NRXN3: variants seen among roughly 807,000 people sequenced by gnomAD.
NRXN3 encodes the protein neurexin III.
In NRXN3, 32 loss-of-function variants were observed where a neutral mutation model predicts 137.6. The ratio of observed to expected loss-of-function variants is 0.23; its 90% confidence interval spans 0.18 to 0.31. The LOEUF (loss-of-function observed/expected upper bound fraction) is 0.31. Among genes scored for constraint, NRXN3 ranks in the 10% least tolerant of loss-of-function variants. The pLI is 1.00. For missense variants in NRXN3, 1,574 were observed against 2,062.5 expected, an observed-to-expected ratio of 0.76 and a Z score of 4.59; for synonymous variants, 798 against 784.5, an observed-to-expected ratio of 1.02 and a Z score of -0.29.
At chr14:79,220,848 G>T (rs1356989359) in intron 15 of NRXN3, among the ~76,000 whole-genome samples, 1 of 152,036 alleles carries the variant, frequency 6.6e-6, no homozygotes, top group East Asian at 1.9e-4. Flanking sequence ...GTGGTTTGCT[G>T]CACCCATCAA....
At chr14:79,350,433 T>C (rs2093148303) in intron 15 of NRXN3, among the ~76,000 whole-genome samples, 1 of 152,192 alleles carries the variant, frequency 6.6e-6, no homozygotes, top group African/African-American at 2.4e-5. Flanking sequence ...CAAATGACAA[T>C]GTGAATGCAT....
At chr14:78,343,071 C>T (rs214010) in intron 4 of NRXN3, among the ~76,000 whole-genome samples, 120,328 of 151,902 alleles carry the variant, frequency 0.79, 49,385 homozygotes, top group Non-Finnish European at 0.9. Context: ...TTGAGCCTCA[C>T]CCTAGATCTA....
At chr14:79,784,752 G>A (rs886903902) in intron 19 of NRXN3, among the ~76,000 whole-genome samples, 4 of 151,512 alleles carry the variant, frequency 2.6e-5, no homozygotes, top group Admixed American at 2.0e-4. Flanking sequence ...GGAGTCTATC[G>A]GGCTGTTAAA....
In NRXN3 at chr14:78,738,710, CTTCT is replaced by C. The variant is rs150318941; in HGVS notation, c.2044+23574_2044+23577del. ...TCTTTTTCCCCACTATGATTTTCTT[CTTCT>C]TTGTCTTTTGTTTTATCTATTTTAT... On this transcript the variant is annotated intron_variant, in intron 8 of 20. Transcript: ENST00000335750. Among the ~76,000 whole-genome samples, 776 of 152,254 alleles carry C rather than the reference CTTCT, an allele frequency of 5.1e-3. 9 individuals carry two copies. The highest frequency in any genetic ancestry group is 0.018 in the African/African-American group (737 of 41,534).
chr14:79,679,047 G>A (rs1035427764), intron 17 of NRXN3, among the ~76,000 whole-genome samples: 1 of 148,442 alleles, frequency 6.7e-6, no homozygotes, highest in South Asian at 2.2e-4. Flanking sequence ...TCTCCTCTTT[G>A]GCTTAAATTT....
intron 8 of NRXN3, among the ~76,000 whole-genome samples, chr14:78,727,262 T>G (rs1191037762): frequency 6.6e-6 from 1 of 152,214 alleles, no homozygotes; most frequent in Non-Finnish European, 1.5e-5. Context: ...CTTCCAGTAC[T>G]TCACAGGGGT....
At chr14:78,808,727 T>G (rs2098892543) in intron 9 of NRXN3, among the ~76,000 whole-genome samples, 1 of 152,114 alleles carries the variant, frequency 6.6e-6, no homozygotes. Flanking sequence ...CGGGAACAAA[T>G]AAGCATTCTG....
chr14:79,057,450 C>T (rs554312753), intron 15 of NRXN3, among the ~76,000 whole-genome samples: 22 of 152,170 alleles, frequency 1.4e-4, no homozygotes, highest in South Asian at 8.3e-4. Context: ...TCATATTCTA[C>T]GACTGAAAAT....
intron 1 of NRXN3, among the ~76,000 whole-genome samples, chr14:78,173,709 C>CTTTTTTTTGTTTTTTTTTTTTTTT (rs2058983840): frequency 1.4e-5 from 1 of 69,356 alleles, no homozygotes; most frequent in African/African-American, 6.2e-5. Context: ...TTTTTCCTTG[C>CTTTTTTTTGTTTTTTTTTTTTTTT]TTTTTTTTTT....
At chr14:79,252,147 T>G (rs1597841948) in intron 15 of NRXN3, among the ~76,000 whole-genome samples, 1 of 152,204 alleles carries the variant, frequency 6.6e-6, no homozygotes, top group South Asian at 2.1e-4. Flanking sequence ...AAAGTTCTTG[T>G]ACATTCCGAC....
At chr14:79,013,731 T>A (rs1177145995) in intron 15 of NRXN3, among the ~76,000 whole-genome samples, 1 of 152,218 alleles carries the variant, frequency 6.6e-6, no homozygotes, top group Non-Finnish European at 1.5e-5. Flanking sequence ...AAGTAGCCAC[T>A]TTACGTGGCT....
At chr14:78,829,984 C>G (rs574682015) in intron 10 of NRXN3, among the ~76,000 whole-genome samples, 1 of 151,942 alleles carries the variant, frequency 6.6e-6, no homozygotes, top group South Asian at 2.1e-4. Context: ...TAAGAATTGC[C>G]GAAAGAGAGG....
intron 10 of NRXN3, among the ~76,000 whole-genome samples, chr14:78,927,187 A>T (rs2099308275): frequency 6.7e-6 from 1 of 148,554 alleles, no homozygotes; most frequent in South Asian, 2.1e-4. Context: ...AATTCCGACT[A>T]TATGCCAAGC....
intron 15 of NRXN3, among the ~76,000 whole-genome samples, chr14:79,348,160 C>G (rs1332343659): frequency 6.6e-6 from 1 of 151,960 alleles, no homozygotes; most frequent in Non-Finnish European, 1.5e-5. Flanking sequence ...TTGAAATTAC[C>G]CATCCATGAG....
At chr14:78,253,441 A>ATGAT (rs141937254) in intron 2 of NRXN3, among the ~76,000 whole-genome samples, 1,579 of 152,304 alleles carry the variant, frequency 0.01, 29 homozygotes, top group African/African-American at 0.036. Context: ...TGGGAGGCTG[A>ATGAT]TGATGGAGGA....
Position 78,242,974 on chromosome 14 carries a change from T to G in NRXN3, c.-120T>G. 1 of 676,954 alleles carries G rather than the reference T, an allele frequency of 1.5e-6. No homozygotes were observed. The highest frequency in any genetic ancestry group is 2.5e-6 in the Non-Finnish European group (1 of 405,398). The allele number at this position is 676,954 out of a possible 1,614,324, so 41.9% of individuals were successfully genotyped here. On this transcript the variant is annotated 5_prime_UTR_variant, in exon 2 of 21. Coordinates refer to ENST00000335750, the MANE Select transcript of NRXN3 (RefSeq NM_001330195.2). ...CTGTGTGTGTGCTGCCTTCCTCCTG[T>G]GTGCTTTCTGTCCCCCCATCTCTGT...
Position 79,683,167 on chromosome 14 carries a change from T to G in NRXN3, c.3617-9006T>G, listed in dbSNP as rs536714548. ...GGAGCCAGTCAGAATAGAAAACTAG[T>G]CTGGGAAAAGTGTCCTAAATTTTAC... On this transcript the variant is annotated intron_variant, in intron 17 of 20. Transcript: ENST00000335750. 6.6e-5 allele frequency among the ~76,000 whole-genome samples: 10 copies of G among 152,260 alleles called. No homozygotes were observed. The South Asian group carries it at 1.9e-3, about 28-fold the overall frequency.
intron 3 of NRXN3, among the ~76,000 whole-genome samples, chr14:78,292,235 G>T (rs1203447606): frequency 6.6e-6 from 1 of 152,170 alleles, no homozygotes; most frequent in Admixed American, 6.5e-5. Context: ...CCATTTTCCC[G>T]AGCTGCAAAA....
chr14:79,206,946 A>G (rs564059728), intron 15 of NRXN3, among the ~76,000 whole-genome samples: 7 of 152,132 alleles, frequency 4.6e-5, no homozygotes, highest in Non-Finnish European at 1.0e-4. Context: ...AAAAAACAAA[A>G]ACATTGAGCC....
Sources: allele counts gnomAD v4.1 joint callset (sites outside exome capture counted in the v4.1 genomes callset), GRCh38; gene constraint gnomAD v4.1.1; transcripts MANE v1.5; gene names NCBI Gene and HGNC (gene_info 2026-07-23, HGNC 2026-07-21).